Variants in CCDC186 observed in about 807,000 individuals in gnomAD.
CCDC186 encodes the protein coiled-coil domain-containing protein 186.
CCDC186 carries 49 observed loss-of-function variants against 113.7 expected under a neutral mutation model. The ratio of observed to expected loss-of-function variants is 0.43; its 90% CI spans 0.34 to 0.55. The LOEUF is 0.55. Ranked by LOEUF, CCDC186 falls within the 20% of genes least tolerant of loss-of-function variation. The pLI, the probability that CCDC186 is intolerant of heterozygous loss-of-function variation, is 0.02. For missense variants in CCDC186, 890 were observed against 1,011.1 expected, an observed-to-expected ratio of 0.88 and a Z score of 1.62; for synonymous variants, 355 against 345.8, an observed-to-expected ratio of 1.03 and a Z score of -0.30.
chr10:114,149,621 A>C, intron 4 of CCDC186, among the ~76,000 whole-genome samples: 1 of 13,920 alleles, frequency 7.2e-5, no homozygotes, highest in East Asian at 2.7e-3. Context: ...AGGGAAGGGA[A>C]GGAAAGGGAG....
chr10:114,136,267 A>C, intron 7 of CCDC186, 21 bp from the exon 8 acceptor site: 1 of 1,569,622 alleles, frequency 6.4e-7, no homozygotes, highest in Non-Finnish European at 8.7e-7. Flanking sequence ...GAAAACAAAA[A>C]AAGTGTGACA....
intron 4 of CCDC186, among the ~76,000 whole-genome samples, chr10:114,148,512 A>C (rs1412933054): frequency 1.3e-5 from 2 of 152,246 alleles, no homozygotes; most frequent in Non-Finnish European, 2.9e-5. Context: ...TCAACAGATA[A>C]AATTAACACA....
At chr10:114,150,578 A>G (rs1208486871) in intron 4 of CCDC186, among the ~76,000 whole-genome samples, 1 of 152,204 alleles carries the variant, frequency 6.6e-6, no homozygotes, top group Admixed American at 6.5e-5. Context: ...TACAGATTAA[A>G]AAAAAAATTT....
In CCDC186 at chr10:114,141,232, T is replaced by C. The variant is rs150131876; in HGVS notation, c.1221+3265A>G. 4.4e-3 allele frequency among the ~76,000 whole-genome samples: 675 copies of C among 152,256 alleles called. 5 individuals are homozygous for C. Among genetic ancestry groups the C allele is most frequent in the African/African-American group, 0.015 (635 of 41,554 alleles). The stretch of plus-strand genomic sequence containing the variant: ...ATCTAGTGTTCCTTCCTTCTCATGA[T>C]GGGCTCCATTTTCCTGCCTCTTTGC... On this transcript the variant is annotated intron_variant, in intron 6 of 15. Transcript: ENST00000369287.
At chr10:114,173,327 ACT>A (rs1564922901) in intron 1 of CCDC186, 1 of 415,258 alleles carries the variant, frequency 2.4e-6, no homozygotes, top group African/African-American at 2.0e-5. Context: ...GCTAAGCAAT[ACT>A]CACACCTGCA....
chr10:114,139,866 C>T (rs987921276), intron 6 of CCDC186, among the ~76,000 whole-genome samples: 8 of 152,138 alleles, frequency 5.3e-5, no homozygotes, highest in African/African-American at 1.9e-4. Flanking sequence ...AAGAGCCTGG[C>T]ACATAGTAAG....
At chr10:114,158,409 T>C (rs75362186) in intron 2 of CCDC186, among the ~76,000 whole-genome samples, 9,463 of 152,258 alleles carry the variant, frequency 0.062, 325 homozygotes, top group Non-Finnish European at 0.078. Flanking sequence ...GCAAGTACTC[T>C]AGGACTAATT....
intron 4 of CCDC186, among the ~76,000 whole-genome samples, chr10:114,148,012 G>A (rs2031699862): frequency 6.6e-6 from 1 of 152,144 alleles, no homozygotes; most frequent in African/African-American, 2.4e-5. Flanking sequence ...GTGTGCACCT[G>A]TAGTCCCAGC....
chr10:114,134,892 C>A (rs1432676347), intron 10 of CCDC186, 21 bp downstream of exon 10: 1 of 1,592,850 alleles, frequency 6.3e-7, no homozygotes, highest in Non-Finnish European at 8.5e-7. Context: ...TTAATACAAA[C>A]AGAAGTTGCT....
intron 6 of CCDC186, among the ~76,000 whole-genome samples, chr10:114,141,141 C>T (rs1051450377): frequency 6.6e-6 from 1 of 152,046 alleles, no homozygotes; most frequent in Non-Finnish European, 1.5e-5. Context: ...GCAATCCTCC[C>T]ACCTCAGCCT....
chr10:114,173,738 C>T (rs185663221), intron 1 of CCDC186, among the ~76,000 whole-genome samples: 2,088 of 152,326 alleles, frequency 0.014, 55 homozygotes, highest in African/African-American at 0.047. Context: ...AGGCACAGCC[C>T]CCACGACCCC....
At chr10:114,147,179 C>A (rs1249832211) in intron 4 of CCDC186, among the ~76,000 whole-genome samples, 2 of 152,138 alleles carry the variant, frequency 1.3e-5, no homozygotes, top group Admixed American at 6.5e-5. Context: ...TAAGAGAAGT[C>A]TGGTTTCATA....
intron 12 of CCDC186, chr10:114,130,228 G>T (rs990888289): frequency 8.0e-6 from 2 of 249,058 alleles, no homozygotes; most frequent in South Asian, 1.4e-4. Context: ...ACTTTTTAAA[G>T]TATTGAAAGA....
At chr10:114,135,802 T>A (rs2031239962) in intron 9 of CCDC186, 89 bp downstream of exon 9, 1 of 1,027,178 alleles carries the variant, frequency 9.7e-7, no homozygotes, top group African/African-American at 1.6e-5. Flanking sequence ...TATATTAATG[T>A]CCTTTCCCCA....
intron 12 of CCDC186, 196 bp downstream of exon 12, chr10:114,130,951 T>C: frequency 2.4e-6 from 1 of 409,038 alleles, no homozygotes; most frequent in African/African-American, 2.1e-5. Context: ...TGTGAGTAAA[T>C]GTCCTTTAGC....
chr10:114,148,193 C>T (rs181765385), intron 4 of CCDC186, among the ~76,000 whole-genome samples: 2 of 152,230 alleles, frequency 1.3e-5, no homozygotes, highest in African/African-American at 2.4e-5. Context: ...CACCAGATAA[C>T]GGCTCTGTTA....
At chr10:114,168,739 A>G (rs2032405175) in intron 1 of CCDC186, among the ~76,000 whole-genome samples, 1 of 152,196 alleles carries the variant, frequency 6.6e-6, no homozygotes, top group Non-Finnish European at 1.5e-5. Context: ...GGTTTGAGTA[A>G]TTAACTTCTT....
Position 114,136,251 on chromosome 10 carries a change from T to A in CCDC186, c.1327-5A>T. On this transcript the variant is annotated splice_polypyrimidine_tract_variant and splice_region_variant and intron_variant, in intron 7 of 15. Transcript: ENST00000369287. ...TGATTTAATTTCTTCTGACTCCTAG[T>A]GGAAAGAAAACAAAAAAAGTGTGAC... 1 of 1,604,894 alleles carries A rather than the reference T, an allele frequency of 6.2e-7. No individual in the cohort carries two copies. Among genetic ancestry groups the A allele is most frequent in the Non-Finnish European group, 8.5e-7 (1 of 1,176,330 alleles).
chr10:114,154,498 T>C (rs752109839), intron 3 of CCDC186, among the ~76,000 whole-genome samples: 15 of 151,846 alleles, frequency 9.9e-5, no homozygotes, highest in Admixed American at 2.0e-4. Flanking sequence ...CAAGAAGAAA[T>C]AGAAGATCTG....
Sources: allele counts gnomAD v4.1 joint callset (sites outside exome capture counted in the v4.1 genomes callset), GRCh38; gene constraint gnomAD v4.1.1; transcripts MANE v1.5; gene names NCBI Gene and HGNC (gene_info 2026-07-23, HGNC 2026-07-21).